Variants in MAGI1 observed in about 807,000 individuals in gnomAD.
MAGI1 encodes the protein membrane-associated guanylate kinase, WW and PDZ domain-containing protein 1.
MAGI1 carries 58 observed loss-of-function variants against 139.9 expected under a neutral mutation model. The ratio of observed to expected loss-of-function variants is 0.41; its 90% CI spans 0.34 to 0.52. The LOEUF is 0.52. MAGI1 is among the 20% of genes least tolerant of loss of function. The probability of loss-of-function intolerance (pLI) is 0.12; values close to 1 mark genes in which losing one functional copy is unlikely to be tolerated. For missense variants in MAGI1, 1,874 were observed against 1,901.6 expected (o/e 0.99, Z 0.27); for synonymous variants, 812 against 737.9 (o/e 1.10, Z -1.63).
At chr3:65,913,225 T>A (rs924892768) in intron 1 of MAGI1, among the ~76,000 whole-genome samples, 4 of 152,074 alleles carry the variant, frequency 2.6e-5, no homozygotes, top group Non-Finnish European at 5.9e-5. Flanking sequence ...GATTGTGCCA[T>A]TGAACTCCAG....
chr3:65,942,973 A>G (rs982422403), intron 1 of MAGI1, among the ~76,000 whole-genome samples: 26 of 152,182 alleles, frequency 1.7e-4, no homozygotes, highest in African/African-American at 6.3e-4. Flanking sequence ...GTGAGCCGAG[A>G]TCATGCCACT....
At chr3:65,755,112 T>C (rs1360068150) in intron 1 of MAGI1, among the ~76,000 whole-genome samples, 1 of 152,006 alleles carries the variant, frequency 6.6e-6, no homozygotes, top group African/African-American at 2.4e-5. Flanking sequence ...GAGGCCCAGC[T>C]AATTTTTGTA....
intron 1 of MAGI1, among the ~76,000 whole-genome samples, chr3:65,855,267 G>A (rs1185141183): frequency 6.6e-6 from 1 of 151,650 alleles, no homozygotes; most frequent in Non-Finnish European, 1.5e-5. Context: ...CGCAGAAAGA[G>A]ATAAACAGTA....
chr3:65,460,365 C>A (rs992142403), intron 5 of MAGI1, among the ~76,000 whole-genome samples: 6 of 152,096 alleles, frequency 3.9e-5, no homozygotes, highest in African/African-American at 9.7e-5. Flanking sequence ...ATAAAAATAA[C>A]TGTAGAGTGT....
At chr3:65,474,115 A>T (rs1950721341) in intron 4 of MAGI1, among the ~76,000 whole-genome samples, 1 of 152,152 alleles carries the variant, frequency 6.6e-6, no homozygotes, top group African/African-American at 2.4e-5. Context: ...AAAATTAAAA[A>T]TTAGCCGGGT....
chr3:65,477,721 T>TTTTTTTTA (rs1950984587), intron 4 of MAGI1, among the ~76,000 whole-genome samples: 2 of 150,132 alleles, frequency 1.3e-5, no homozygotes, highest in Non-Finnish European at 3.0e-5. Context: ...ATTTTTTTTT[T>TTTTTTTTA]TTTATTTATA....
chr3:65,662,322 T>C (rs1559764532), intron 1 of MAGI1, among the ~76,000 whole-genome samples: 1 of 152,216 alleles, frequency 6.6e-6, no homozygotes, highest in Non-Finnish European at 1.5e-5. Context: ...TGTACTCATC[T>C]AAATTAGGGA....
At chr3:66,036,636 C>G (rs891178778) in intron 1 of MAGI1, among the ~76,000 whole-genome samples, 2 of 152,172 alleles carry the variant, frequency 1.3e-5, no homozygotes, top group Non-Finnish European at 2.9e-5. Context: ...AAAGGCCAGG[C>G]GAGTCGGCCG....
At chr3:65,745,689 C>T (rs1262478112) in intron 1 of MAGI1, among the ~76,000 whole-genome samples, 2 of 152,134 alleles carry the variant, frequency 1.3e-5, no homozygotes, top group Non-Finnish European at 2.9e-5. Flanking sequence ...ATTTCTTTTT[C>T]TCATTGCAAG....
chr3:65,530,822 C>T (rs1259199534), intron 2 of MAGI1, among the ~76,000 whole-genome samples: 4 of 43,186 alleles, frequency 9.3e-5, no homozygotes, highest in African/African-American at 2.9e-4. Flanking sequence ...TATATATACA[C>T]GTATATATAT....
chr3:65,527,164 A>T (rs1190100665), intron 2 of MAGI1, among the ~76,000 whole-genome samples: 1 of 152,236 alleles, frequency 6.6e-6, no homozygotes, highest in Non-Finnish European at 1.5e-5. Context: ...TTGTCACACC[A>T]GTGGCTCCTT....
At chr3:65,825,401 T>C (rs905806700) in intron 1 of MAGI1, among the ~76,000 whole-genome samples, 1 of 152,296 alleles carries the variant, frequency 6.6e-6, no homozygotes, top group South Asian at 2.1e-4. Flanking sequence ...AAGTAGCACT[T>C]CTCCCCAACT....
intron 1 of MAGI1, among the ~76,000 whole-genome samples, chr3:65,723,369 G>A (rs1262649482): frequency 6.6e-6 from 1 of 152,186 alleles, no homozygotes; most frequent in Non-Finnish European, 1.5e-5. Context: ...AGAACATCCA[G>A]TATCTGGAAG....
intron 1 of MAGI1, among the ~76,000 whole-genome samples, chr3:65,643,332 C>T (rs2085082163): frequency 6.6e-6 from 1 of 152,148 alleles, no homozygotes; most frequent in Non-Finnish European, 1.5e-5. Flanking sequence ...AACTCAACAG[C>T]TCTTGTTAGT....
chr3:65,859,740 A>C (rs1170955591), intron 1 of MAGI1, among the ~76,000 whole-genome samples: 1 of 149,760 alleles, frequency 6.7e-6, no homozygotes, highest in Admixed American at 6.6e-5. Flanking sequence ...AAAAAAAAAA[A>C]CTTTAAGGAA....
intron 13 of MAGI1, among the ~76,000 whole-genome samples, chr3:65,392,968 A>C (rs1273113124): frequency 6.6e-6 from 1 of 152,172 alleles, no homozygotes; most frequent in Non-Finnish European, 1.5e-5. Context: ...GGCTTAATTC[A>C]CTTCAATTCA....
In MAGI1 at chr3:65,387,169, T is replaced by C. The variant is rs768568989; in HGVS notation, c.2417-3546A>G. On this transcript the variant is annotated intron_variant, in intron 14 of 22. Coordinates refer to ENST00000402939, the MANE Select transcript of MAGI1 (RefSeq NM_001033057.2). Reference sequence around the variant, plus strand: ...CGGACATTCTCCAAAATTCGTGGAATTGATTTCTCTCTCTCTCTCACCCTT... The same window carrying C: ...CGGACATTCTCCAAAATTCGTGGAACTGATTTCTCTCTCTCTCTCACCCTT... The C allele has an allele frequency of 5.0e-6, 8 of 1,614,104 alleles. No homozygotes were observed. In the East Asian group the frequency reaches 6.7e-5, roughly 13 times the overall value.
intron 4 of MAGI1, among the ~76,000 whole-genome samples, chr3:65,472,188 T>TA (rs1950594891): frequency 6.6e-6 from 1 of 152,122 alleles, no homozygotes; most frequent in South Asian, 2.1e-4. Flanking sequence ...TAGAAATTAC[T>TA]AATCAATAAC....
At chr3:65,494,186 G>A (rs1952255293) in intron 2 of MAGI1, among the ~76,000 whole-genome samples, 1 of 152,202 alleles carries the variant, frequency 6.6e-6, no homozygotes, top group Non-Finnish European at 1.5e-5. Context: ...GGATTAAAAT[G>A]CTGCTGCTCC....
Sources: gnomAD v4.1 joint callset for allele counts (sites outside exome capture counted in the v4.1 genomes callset) on GRCh38, gnomAD v4.1.1 for gene constraint, MANE v1.5 for transcripts, NCBI Gene and HGNC (gene_info 2026-07-23, HGNC 2026-07-21) for gene names.